The following ATP8A2 variants were observed in gnomAD, a reference collection of about 807,000 sequenced individuals.
The protein encoded by ATP8A2 is ATPase phospholipid transporting 8A2.
In ATP8A2, 100 loss-of-function variants were observed where a neutral mutation model predicts 165.6. That is an observed-to-expected ratio of 0.60 (90% CI 0.51 to 0.71). The LOEUF is 0.71. Among genes scored for constraint, ATP8A2 ranks in the 30% least tolerant of loss-of-function variants. The pLI is 0.00. For synonymous variants in ATP8A2, 543 were observed against 548.8 expected (o/e 0.99, Z 0.15); for missense variants, 1,227 against 1,479.5 (o/e 0.83, Z 2.80).
At chr13:25,379,152 A>G (rs931799889) in intron 1 of ATP8A2, among the ~76,000 whole-genome samples, 3 of 152,250 alleles carry the variant, frequency 2.0e-5, no homozygotes, top group East Asian at 1.9e-4. Flanking sequence ...GTCTTGTGTA[A>G]TCTTTTGCCA....
chr13:25,628,843 C>A (rs1344642051), intron 24 of ATP8A2, among the ~76,000 whole-genome samples: 3 of 152,160 alleles, frequency 2.0e-5, no homozygotes, highest in Admixed American at 2.0e-4. Context: ...CAGGTAAGGT[C>A]ACAGGCTGAG....
rs190577000 is a variant in ATP8A2 at position 25,442,771 on chromosome 13, T to C, written c.77-26206T>C. 1.2e-3 allele frequency among the ~76,000 whole-genome samples: 181 copies of C among 152,324 alleles called. 1 individual carries two copies. Among genetic ancestry groups the C allele is most frequent in the African/African-American group, 4.2e-3 (175 of 41,568 alleles). Reference sequence around the variant, plus strand: ...CATGTTGAGCATCTTTTCATGTGCTTTTTGGCCATTTACTTGCATATCTTC... The same window carrying C: ...CATGTTGAGCATCTTTTCATGTGCTCTTTGGCCATTTACTTGCATATCTTC... On this transcript the variant is annotated intron_variant, in intron 1 of 36. Coordinates refer to ENST00000381655, the MANE Select transcript of ATP8A2 (RefSeq NM_016529.6).
chr13:25,558,871 C>T (rs12862551), intron 13 of ATP8A2, 102 bp from the exon 14 acceptor site: 366,511 of 694,056 alleles, frequency 0.53, 102,145 homozygotes, highest in Non-Finnish European at 0.59. Context: ...GAAATCTACC[C>T]GTTTCATACA....
chr13:25,533,129 G>A (rs2038168636), intron 5 of ATP8A2, 144 bp from the exon 6 acceptor site: 1 of 628,782 alleles, frequency 1.6e-6, no homozygotes, highest in East Asian at 2.8e-5. Flanking sequence ...TTGAGGGTGG[G>A]GGTGCTGATG....
intron 24 of ATP8A2, among the ~76,000 whole-genome samples, chr13:25,631,860 G>A (rs556919607): frequency 1.3e-5 from 2 of 151,090 alleles, no homozygotes; most frequent in South Asian, 2.1e-4. Context: ...CACCAGAAAT[G>A]TGGGGAGTTT....
intron 16 of ATP8A2, chr13:25,567,176 A>G (rs1356137847): frequency 1.4e-5 from 5 of 347,268 alleles, no homozygotes; most frequent in Non-Finnish European, 2.8e-5. Context: ...TTCTTTCCAA[A>G]GCTGGCCCGG....
At chr13:26,015,595 A>G (rs961417067) in intron 36 of ATP8A2, among the ~76,000 whole-genome samples, 8 of 146,176 alleles carry the variant, frequency 5.5e-5, no homozygotes, top group Non-Finnish European at 8.9e-5. Context: ...CAAAATAATG[A>G]AAAAAAAAGA....
At chr13:25,439,345 T>C (rs1435152318) in intron 1 of ATP8A2, among the ~76,000 whole-genome samples, 1 of 152,082 alleles carries the variant, frequency 6.6e-6, no homozygotes, top group African/African-American at 2.4e-5. Flanking sequence ...AAGGACATCA[T>C]GGAGCTTTGC....
At chr13:25,671,347 G>A (rs989101310) in intron 24 of ATP8A2, among the ~76,000 whole-genome samples, 20 of 152,076 alleles carry the variant, frequency 1.3e-4, no homozygotes, top group African/African-American at 4.6e-4. Flanking sequence ...TGAAATCTGG[G>A]CACCTTGAAA....
At chr13:25,611,007 CTT>C (rs1178111071) in intron 24 of ATP8A2, among the ~76,000 whole-genome samples, 1 of 150,398 alleles carries the variant, frequency 6.6e-6, no homozygotes, top group African/African-American at 2.4e-5. Flanking sequence ...TATCCTGAAA[CTT>C]TGCTGAAATC....
intron 24 of ATP8A2, among the ~76,000 whole-genome samples, chr13:25,609,534 G>GGAATTCAAATATATATATATATATTT (rs2040603361): frequency 2.4e-5 from 1 of 42,214 alleles, no homozygotes; most frequent in South Asian, 7.3e-4. Flanking sequence ...ATATATATTT[G>GGAATTCAAATATATATATATATATTT]GGATTCAAAT....
intron 35 of ATP8A2, among the ~76,000 whole-genome samples, chr13:25,983,021 T>A (rs1057448573): frequency 6.6e-6 from 1 of 152,248 alleles, no homozygotes; most frequent in Non-Finnish European, 1.5e-5. Context: ...CATTTGCTTC[T>A]TTCTGGAACA....
intron 25 of ATP8A2, among the ~76,000 whole-genome samples, chr13:25,709,246 C>G (rs1339761774): frequency 2.0e-5 from 3 of 152,194 alleles, no homozygotes; most frequent in Non-Finnish European, 4.4e-5. Flanking sequence ...CGTCCTTTCA[C>G]CACTTGGACA....
At chr13:25,553,189 C>T (rs547331375) in intron 11 of ATP8A2, among the ~76,000 whole-genome samples, 1 of 148,928 alleles carries the variant, frequency 6.7e-6, no homozygotes, top group Non-Finnish European at 1.5e-5. Context: ...CCTTGTCCCC[C>T]TCTCCCTCCC....
chr13:25,870,695 G>C (rs1952650969), intron 33 of ATP8A2, among the ~76,000 whole-genome samples: 1 of 152,148 alleles, frequency 6.6e-6, no homozygotes, highest in African/African-American at 2.4e-5. Context: ...ACTCCAAGCT[G>C]GGTCTTCTCA....
intron 28 of ATP8A2, among the ~76,000 whole-genome samples, chr13:25,836,111 G>A (rs946344533): frequency 2.0e-5 from 3 of 152,144 alleles, no homozygotes; most frequent in African/African-American, 7.2e-5. Context: ...GCTGCCTCAG[G>A]TAAACTGGGC....
At chr13:25,755,208 A>G (rs2044235629) in intron 25 of ATP8A2, among the ~76,000 whole-genome samples, 1 of 152,190 alleles carries the variant, frequency 6.6e-6, no homozygotes, top group Non-Finnish European at 1.5e-5. Flanking sequence ...AGTTCTAATC[A>G]ATCAAGACAA....
At chr13:25,541,216 TA>T (rs1482386747) in intron 8 of ATP8A2, among the ~76,000 whole-genome samples, 2 of 152,314 alleles carry the variant, frequency 1.3e-5, no homozygotes, top group African/African-American at 2.4e-5. Flanking sequence ...CTTTGAAGCT[TA>T]AAAAACTTTT....
intron 30 of ATP8A2, among the ~76,000 whole-genome samples, chr13:25,849,319 G>A (rs528705024): frequency 1.3e-5 from 2 of 152,208 alleles, no homozygotes; most frequent in African/African-American, 4.8e-5. Context: ...ATTGTTAAAC[G>A]CCGTCTCTTC....
Sources: allele counts gnomAD v4.1 joint callset (sites outside exome capture counted in the v4.1 genomes callset), GRCh38; gene constraint gnomAD v4.1.1; transcripts MANE v1.5; gene names NCBI Gene and HGNC (gene_info 2026-07-23, HGNC 2026-07-21).